Variants in SORCS2 observed in about 807,000 individuals in gnomAD.
SORCS2 encodes the protein VPS10 domain-containing receptor SorCS2.
Under a neutral mutation model 141.6 loss-of-function variants are expected in SORCS2, and 100 were observed. The ratio of observed to expected loss-of-function variants is 0.71; its 90% CI spans 0.60 to 0.83. The LOEUF (loss-of-function observed/expected upper bound fraction) is 0.83. Ranked by LOEUF, SORCS2 falls within the 40% of genes least tolerant of loss-of-function variation. The pLI, the probability that SORCS2 is intolerant of heterozygous loss-of-function variation, is 0.00. For missense variants in SORCS2, 1,646 were observed against 1,560.2 expected (o/e 1.05, Z -0.93); for synonymous variants, 789 against 676.9 (o/e 1.17, Z -2.57).
rs1376554015 is a variant in SORCS2 at position 7,233,045 on chromosome 4, G to T, written c.480+39919G>T. Among the ~76,000 whole-genome samples the T allele has an allele frequency of 6.6e-6, 1 of 152,168 alleles. No homozygotes were observed. Among genetic ancestry groups the T allele is most frequent in the Non-Finnish European group, 1.5e-5 (1 of 68,020 alleles). On this transcript the variant is annotated intron_variant, in intron 1 of 26. Coordinates refer to ENST00000507866, the MANE Select transcript of SORCS2 (RefSeq NM_020777.3). The surrounding 1 kb of genome is among the most constrained non-coding windows in gnomAD (Gnocchi z 4.5). Reference sequence around the variant, plus strand: ...AGGAACCTCCCAGAGGCTTTCTGGGGCATGGGTCAGCTGAGCCCAGGAGTC... The same window carrying T: ...AGGAACCTCCCAGAGGCTTTCTGGGTCATGGGTCAGCTGAGCCCAGGAGTC...
intron 2 of SORCS2, among the ~76,000 whole-genome samples, chr4:7,453,149 G>A (rs1728594277): frequency 1.4e-5 from 2 of 140,622 alleles, no homozygotes; most frequent in Non-Finnish European, 1.5e-5. Flanking sequence ...GCTGTGTGTT[G>A]GGGTCAGGTG....
chr4:7,631,910 G>C (rs1025852498), intron 3 of SORCS2, among the ~76,000 whole-genome samples: 1 of 152,216 alleles, frequency 6.6e-6, no homozygotes, highest in Non-Finnish European at 1.5e-5. Context: ...TTCCAAGCCT[G>C]TTGCATCAGG....
intron 18 of SORCS2, among the ~76,000 whole-genome samples, chr4:7,718,522 T>C (rs879619383): frequency 7.2e-5 from 11 of 152,220 alleles, no homozygotes; most frequent in Admixed American, 2.6e-4. Context: ...TTCCCGTGGG[T>C]GGTAATACAT....
intron 2 of SORCS2, chr4:7,430,632 G>C (rs1168315207): frequency 2.6e-5 from 4 of 152,270 alleles, no homozygotes; most frequent in African/African-American, 9.6e-5. Context: ...CCCAGGCAGA[G>C]ATGCTCCTCT....
intron 2 of SORCS2, among the ~76,000 whole-genome samples, chr4:7,411,405 C>T (rs1270817958): frequency 6.6e-6 from 1 of 152,110 alleles, no homozygotes; most frequent in Non-Finnish European, 1.5e-5. Context: ...CCTTGCTCCC[C>T]CTTTCCCATG....
intron 2 of SORCS2, chr4:7,432,214 T>G (rs908017994): frequency 1.3e-5 from 2 of 152,230 alleles, no homozygotes; most frequent in Non-Finnish European, 2.9e-5. Context: ...GTAGCAGCTC[T>G]GGGATCTGCG....
chr4:7,329,823 T>A (rs1270354044), intron 1 of SORCS2, among the ~76,000 whole-genome samples: 1 of 152,204 alleles, frequency 6.6e-6, no homozygotes, highest in African/African-American at 2.4e-5. Context: ...TCAGCCAGGC[T>A]CAGCCACGGT....
chr4:7,338,802 A>G (rs1720184294), intron 1 of SORCS2, among the ~76,000 whole-genome samples: 1 of 152,218 alleles, frequency 6.6e-6, no homozygotes, highest in Non-Finnish European at 1.5e-5. Context: ...GACAGCTTCC[A>G]TAATTGTTAT....
At chr4:7,604,545 C>T (rs754327745) in intron 3 of SORCS2, among the ~76,000 whole-genome samples, 3 of 152,188 alleles carry the variant, frequency 2.0e-5, no homozygotes, top group East Asian at 1.9e-4. Context: ...TCTCCATCCC[C>T]GCCTCGGCCT....
rs561909345 is a variant in SORCS2, at chr4:7,577,819, C to G, written c.648+46190C>G. Among the ~76,000 whole-genome samples, 3 of 139,028 alleles carry G rather than the reference C, an allele frequency of 2.2e-5. No homozygotes were observed. The Admixed American group carries it at 2.2e-4, about 10-fold the overall frequency. The allele number at this position is 139,028 out of a possible 152,430, so 91.2% of individuals were successfully genotyped here. On this transcript the variant is annotated intron_variant, in intron 3 of 26. Coordinates refer to ENST00000507866, the MANE Select transcript of SORCS2 (RefSeq NM_020777.3). ...TTGGGGAAGTTATATAGCATACAGG[C>G]GAAGTCAGCTAGTGCCATTGTTTGG...
chr4:7,256,323 T>G (rs1194992466), intron 1 of SORCS2, among the ~76,000 whole-genome samples: 2 of 152,176 alleles, frequency 1.3e-5, no homozygotes, highest in African/African-American at 4.8e-5. Flanking sequence ...TTCTAGAGAA[T>G]CTGGAAGTCT....
At chr4:7,671,594 G>C (rs1169629876) in intron 8 of SORCS2, among the ~76,000 whole-genome samples, 1 of 152,164 alleles carries the variant, frequency 6.6e-6, no homozygotes, top group Non-Finnish European at 1.5e-5. Flanking sequence ...GGATTCGAAA[G>C]CAGAATTGAA....
chr4:7,644,985 G>A (rs570402813), intron 4 of SORCS2, among the ~76,000 whole-genome samples: 37 of 152,332 alleles, frequency 2.4e-4, no homozygotes, highest in African/African-American at 8.4e-4. Flanking sequence ...GATAGTAAAA[G>A]CGCCTCCCAG....
chr4:7,193,421 G>C lies in SORCS2; in HGVS notation c.480+295G>C, dbSNP rs561980638. 6.6e-6 allele frequency among the ~76,000 whole-genome samples: 1 copy of C among 152,172 alleles called. No individual in the cohort carries two copies. The highest frequency in any genetic ancestry group is 1.5e-5 in the Non-Finnish European group (1 of 68,028). On this transcript the variant is annotated intron_variant, in intron 1 of 26. Coordinates refer to ENST00000507866, the MANE Select transcript of SORCS2 (RefSeq NM_020777.3). This position sits in a 1 kb window ranked among gnomAD's most constrained non-coding sequence, Gnocchi z 4.8. ...CACTGGCCTCCAGGTCTTGGGTTACGGAGGAGGACCCCAGAACCTTCGGAA... is the reference window on the plus strand; with the variant it reads ...CACTGGCCTCCAGGTCTTGGGTTACCGAGGAGGACCCCAGAACCTTCGGAA...
intron 1 of SORCS2, among the ~76,000 whole-genome samples, chr4:7,360,472 C>T (rs1392131051): frequency 6.6e-6 from 1 of 151,554 alleles, no homozygotes; most frequent in East Asian, 1.9e-4. Context: ...GATGGCTCTC[C>T]CTGAGGCTGT....
chr4:7,575,276 G>A (rs1715676820), intron 3 of SORCS2, among the ~76,000 whole-genome samples: 1 of 152,148 alleles, frequency 6.6e-6, no homozygotes, highest in African/African-American at 2.4e-5. Context: ...AAAAAGTAAG[G>A]AGAAACAGCC....
At chr4:7,362,028 C>T (rs1044932970) in intron 1 of SORCS2, among the ~76,000 whole-genome samples, 2 of 152,118 alleles carry the variant, frequency 1.3e-5, no homozygotes, top group Non-Finnish European at 2.9e-5. Context: ...GGACAAAGGA[C>T]AGCAAACTTG....
At chr4:7,369,552 G>A (rs1722119599) in intron 1 of SORCS2, among the ~76,000 whole-genome samples, 1 of 152,186 alleles carries the variant, frequency 6.6e-6, no homozygotes, top group Admixed American at 6.5e-5. Flanking sequence ...TTGGGGGCGT[G>A]TCTACCCCGG....
At chr4:7,443,183 T>C (rs1028984528) in intron 2 of SORCS2, among the ~76,000 whole-genome samples, 3 of 152,204 alleles carry the variant, frequency 2.0e-5, no homozygotes, top group African/African-American at 7.2e-5. Flanking sequence ...GGTTAGGACT[T>C]GAACATATCT....
Sources: gnomAD v4.1 joint callset for allele counts (sites outside exome capture counted in the v4.1 genomes callset) on GRCh38, gnomAD v4.1.1 for gene constraint, Gnocchi (gnomAD v3.1) non-coding constraint, MANE v1.5 for transcripts, NCBI Gene and HGNC (gene_info 2026-07-23, HGNC 2026-07-21) for gene names.